FANCC: variants seen among roughly 807,000 people sequenced by gnomAD.
FANCC encodes Fanconi anemia group C protein.
Under a neutral mutation model 71.3 loss-of-function variants are expected in FANCC, and 55 were observed. The observed-to-expected ratio is 0.77, with a 90% CI of 0.62 to 0.97. The LOEUF (loss-of-function observed/expected upper bound fraction) is 0.97. FANCC is among the 50% of genes least tolerant of loss of function. FANCC has a pLI of 0.00. For synonymous variants in FANCC, 275 were observed against 244.9 expected (o/e 1.12, Z -1.15); for missense variants, 678 against 670.9 (o/e 1.01, Z -0.12).
At chr9:95,230,799 C>T (rs1444545091) in intron 4 of FANCC, among the ~76,000 whole-genome samples, 2 of 152,154 alleles carry the variant, frequency 1.3e-5, no homozygotes, top group East Asian at 3.9e-4. Flanking sequence ...CTTTTATTCC[C>T]TTGTTTGGTC....
At chr9:95,248,975 G>C in intron 2 of FANCC, 152 bp downstream of exon 2, 1 of 713,166 alleles carries the variant, frequency 1.4e-6, no homozygotes, top group Non-Finnish European at 2.3e-6. Flanking sequence ...TCGGAGACTA[G>C]GAAACCAGCT....
At chr9:95,103,415 C>T (rs1300790621) in intron 14 of FANCC, among the ~76,000 whole-genome samples, 1 of 152,300 alleles carries the variant, frequency 6.6e-6, no homozygotes. Flanking sequence ...CTCTGCATCT[C>T]GGAATCTAGC....
At chr9:95,155,788 G>T (rs1399263258) in intron 6 of FANCC, among the ~76,000 whole-genome samples, 1 of 152,034 alleles carries the variant, frequency 6.6e-6, no homozygotes, top group Non-Finnish European at 1.5e-5. Context: ...TGCAGTCTTG[G>T]CTCACTGCAA....
At chr9:95,274,499 T>C (rs1832926358) in intron 1 of FANCC, among the ~76,000 whole-genome samples, 1 of 152,204 alleles carries the variant, frequency 6.6e-6, no homozygotes, top group South Asian at 2.1e-4. Context: ...TTTGCATGTG[T>C]CTTTATAGTA....
chr9:95,126,777 G>A, intron 8 of FANCC, 196 bp from the exon 9 acceptor site: 1 of 602,932 alleles, frequency 1.7e-6, no homozygotes, highest in South Asian at 1.8e-5. Context: ...CCCTGGGCAG[G>A]GGTTACAGGC....
chr9:95,255,264 G>C (rs1316257223), intron 1 of FANCC, among the ~76,000 whole-genome samples: 1 of 152,124 alleles, frequency 6.6e-6, no homozygotes, highest in Non-Finnish European at 1.5e-5. Flanking sequence ...CTGACAAGGA[G>C]ACACTTCCAA....
At chr9:95,102,305 C>A (rs931696352) in intron 14 of FANCC, among the ~76,000 whole-genome samples, 1 of 152,188 alleles carries the variant, frequency 6.6e-6, no homozygotes, top group African/African-American at 2.4e-5. Flanking sequence ...CCCTGGCATC[C>A]CTGGGCTAGC....
At chr9:95,270,077 T>C (rs2136212317) in intron 1 of FANCC, among the ~76,000 whole-genome samples, 1 of 152,296 alleles carries the variant, frequency 6.6e-6, no homozygotes, top group East Asian at 1.9e-4. Flanking sequence ...ATTAACAGAA[T>C]CTCAAGGCAG....
At chr9:95,146,158 G>T (rs2166402) in intron 7 of FANCC, among the ~76,000 whole-genome samples, 69,465 of 151,768 alleles carry the variant, frequency 0.46, 16,109 homozygotes, top group East Asian at 0.58. Flanking sequence ...GTCTACATAT[G>T]TAACAATTCT....
chr9:95,179,593 C>G (rs912435542), intron 4 of FANCC, among the ~76,000 whole-genome samples: 2 of 152,076 alleles, frequency 1.3e-5, no homozygotes, highest in African/African-American at 4.8e-5. Flanking sequence ...GTGATCTGCC[C>G]ACCTCAGCCT....
At chr9:95,151,821 G>C (rs965807921) in intron 6 of FANCC, among the ~76,000 whole-genome samples, 1 of 151,976 alleles carries the variant, frequency 6.6e-6, no homozygotes, top group Non-Finnish European at 1.5e-5. Context: ...CAGCTACTCG[G>C]GGGGGCGGAG....
At chr9:95,144,729 T>C (rs1829289243) in intron 7 of FANCC, among the ~76,000 whole-genome samples, 1 of 152,206 alleles carries the variant, frequency 6.6e-6, no homozygotes, top group African/African-American at 2.4e-5. Flanking sequence ...TTAAATATTC[T>C]TTGTAAGTAT....
At chr9:95,220,108 C>T (rs1588301226) in intron 4 of FANCC, among the ~76,000 whole-genome samples, 1 of 152,162 alleles carries the variant, frequency 6.6e-6, no homozygotes, top group East Asian at 1.9e-4. Context: ...CCAACAGACA[C>T]AGGAAAAAAT....
chr9:95,162,324 A>T (rs1047869407), intron 6 of FANCC, among the ~76,000 whole-genome samples: 1 of 152,192 alleles, frequency 6.6e-6, no homozygotes, highest in African/African-American at 2.4e-5. Flanking sequence ...TCCAATGTGT[A>T]TATATACCAT....
chr9:95,154,245 C>CAAAA lies in FANCC; in HGVS notation c.522-4162_522-4159dup, dbSNP rs58720791. ...AGGGTGACAGAGCAAGACTCCGTCT[C>CAAAA]AAAAAAAAAAAAAAAAAAAAAAAAA... is the stretch of plus-strand genomic sequence containing the variant. On this transcript the variant is annotated intron_variant, in intron 6 of 14. Coordinates refer to ENST00000289081, the MANE Select transcript of FANCC (RefSeq NM_000136.3). Among the ~76,000 whole-genome samples, 149 of 49,946 alleles carry CAAAA rather than the reference C, an allele frequency of 3.0e-3. 15 individuals carry two copies. Among genetic ancestry groups the CAAAA allele is most frequent in the African/African-American group, 0.01 (135 of 12,982 alleles). 32.8% of individuals were successfully genotyped at this position (49,946 alleles called of 152,430 possible). A position where few individuals can be genotyped will look rare whatever the true frequency, so the allele number is the denominator to read the frequency against.
At chr9:95,217,049 C>T (rs1398757871) in intron 4 of FANCC, among the ~76,000 whole-genome samples, 1 of 152,122 alleles carries the variant, frequency 6.6e-6, no homozygotes, top group Non-Finnish European at 1.5e-5. Flanking sequence ...CTGAAACAAA[C>T]CAAATTCAGA....
intron 3 of FANCC, 87 bp downstream of exon 3, chr9:95,247,343 ACT>A: frequency 4.2e-6 from 4 of 960,662 alleles, no homozygotes; most frequent in Non-Finnish European, 3.3e-6. Flanking sequence ...AAAAAAAAAA[ACT>A]AGGAGAAAGG....
At position 95,233,295 on chromosome 9, in the gene FANCC, A is replaced by G. The variant is rs1185994801; in HGVS notation, c.345+7354T>C. 2.0e-5 allele frequency among the ~76,000 whole-genome samples: 3 copies of G among 152,222 alleles called. No homozygotes were observed. The East Asian group carries it at 5.8e-4, about 29-fold the overall frequency. ...ATATCAGTAATGTGTTTGTTACTTA[A>G]AAGTAATAAAAATAGTAGATGGAGC... On this transcript the variant is annotated intron_variant, in intron 4 of 14. Coordinates refer to ENST00000289081, the MANE Select transcript of FANCC (RefSeq NM_000136.3).
At chr9:95,193,768 A>G (rs538049762) in intron 4 of FANCC, among the ~76,000 whole-genome samples, 2 of 152,238 alleles carry the variant, frequency 1.3e-5, no homozygotes, top group East Asian at 1.9e-4. Flanking sequence ...AGAAAAGGAT[A>G]AAAGTGTGAA....
Sources: allele counts gnomAD v4.1 joint callset (sites outside exome capture counted in the v4.1 genomes callset), GRCh38; gene constraint gnomAD v4.1.1; transcripts MANE v1.5; gene names NCBI Gene and HGNC (gene_info 2026-07-23, HGNC 2026-07-21).